Variants in RAB27B observed in about 807,000 individuals in gnomAD.
RAB27B encodes RAB27B, member RAS oncogene family.
Under a neutral mutation model 24.6 loss-of-function variants are expected in RAB27B, and 15 were observed. The ratio of observed to expected loss-of-function variants is 0.61; its 90% CI spans 0.41 to 0.94. The LOEUF is 0.94. RAB27B is among the 40% of genes least tolerant of loss of function. The pLI is 0.00. For synonymous variants in RAB27B, 105 were observed against 92.5 expected (o/e 1.14, Z -0.78); for missense variants, 261 against 266.8 (o/e 0.98, Z 0.15).
At chr18:54,863,978 G>A (rs534820372) in intron 1 of RAB27B, among the ~76,000 whole-genome samples, 1 of 152,290 alleles carries the variant, frequency 6.6e-6, no homozygotes, top group Non-Finnish European at 1.5e-5. Flanking sequence ...GAGCATTCAT[G>A]TACAAATCTT....
intron 4 of RAB27B, among the ~76,000 whole-genome samples, chr18:54,887,106 C>T (rs1334698582): frequency 6.8e-6 from 1 of 146,366 alleles, no homozygotes; most frequent in Non-Finnish European, 1.5e-5. Context: ...TCCGCCCACA[C>T]ATAGTGTTTT....
chr18:54,765,885 G>A (rs1468928194), intron 2 of RAB27B, among the ~76,000 whole-genome samples: 1 of 152,150 alleles, frequency 6.6e-6, no homozygotes, highest in African/African-American at 2.4e-5. Context: ...GAGATTAGTT[G>A]TTTCAGAAAC....
chr18:54,827,316 T>A (rs745685316), upstream of RAB27B, among the ~76,000 whole-genome samples: 32 of 152,218 alleles, frequency 2.1e-4, no homozygotes, highest in Non-Finnish European at 4.1e-4. Context: ...TCTACACACA[T>A]TACTGATATG....
intron 2 of RAB27B, among the ~76,000 whole-genome samples, chr18:54,878,837 C>A (rs2094148741): frequency 6.6e-6 from 1 of 152,102 alleles, no homozygotes; most frequent in African/African-American, 2.4e-5. Context: ...CCTGTGTCAA[C>A]TTATTGAGAA....
At chr18:54,838,264 A>G (rs143141579) in intron 1 of RAB27B, among the ~76,000 whole-genome samples, 20 of 151,758 alleles carry the variant, frequency 1.3e-4, no homozygotes, top group Middle Eastern at 3.4e-3. Flanking sequence ...TTCCAATAAT[A>G]TGCAAAATAT....
chr18:54,753,541 T>C (rs1473553839), intron 2 of RAB27B, among the ~76,000 whole-genome samples: 1 of 152,234 alleles, frequency 6.6e-6, no homozygotes, highest in Non-Finnish European at 1.5e-5. Context: ...GTGATTTTCC[T>C]TTTTAATGGC....
intron 2 of RAB27B, among the ~76,000 whole-genome samples, chr18:54,775,343 C>T (rs1289575902): frequency 6.6e-6 from 1 of 152,214 alleles, no homozygotes; most frequent in Non-Finnish European, 1.5e-5. Flanking sequence ...AACAATATTC[C>T]AGCCATTACT....
chr18:54,828,403 G>C (rs1464691224), upstream of RAB27B: 1 of 152,186 alleles, frequency 6.6e-6, no homozygotes, highest in Non-Finnish European at 1.5e-5. Flanking sequence ...TTGCAGACAC[G>C]CCTTCTTCTC....
intron 2 of RAB27B, among the ~76,000 whole-genome samples, chr18:54,794,557 TTGACAGAGATCACATAC>T (rs1443361064): frequency 6.6e-6 from 1 of 152,244 alleles, no homozygotes. Flanking sequence ...TAAAATGGTT[TTGACAGAGATCACATAC>T]TGATGTGTGT....
At chr18:54,727,600 C>A (rs538616117) in intron 2 of RAB27B, among the ~76,000 whole-genome samples, 5 of 152,106 alleles carry the variant, frequency 3.3e-5, no homozygotes, top group East Asian at 1.9e-4. Flanking sequence ...AGACAAAAAA[C>A]CAAATATTTG....
chr18:54,804,082 G>T (rs1909691992), intron 2 of RAB27B, among the ~76,000 whole-genome samples: 1 of 152,146 alleles, frequency 6.6e-6, no homozygotes, highest in African/African-American at 2.4e-5. Context: ...TGGCCTTGGA[G>T]TTTGTTAGAA....
At chr18:54,813,629 A>C (rs1910034962) in intron 2 of RAB27B, among the ~76,000 whole-genome samples, 1 of 152,324 alleles carries the variant, frequency 6.6e-6, no homozygotes, top group East Asian at 1.9e-4. Flanking sequence ...CCAGAAGCCA[A>C]GTAGATGCTG....
chr18:54,861,354 A>G lies in RAB27B; in HGVS notation c.-19-16213A>G, dbSNP rs184803929. ...TAGAAACTTCAATTTGCATATATAC[A>G]TTTAATATCCTTTCATATATCACAT... On this transcript the variant is annotated intron_variant, in intron 1 of 5. Coordinates refer to ENST00000262094, the MANE Select transcript of RAB27B (RefSeq NM_004163.4). Among the ~76,000 whole-genome samples, 7 of 152,334 alleles carry G rather than the reference A, an allele frequency of 4.6e-5. No homozygotes were observed. In the East Asian group the frequency reaches 1.2e-3, roughly 25 times the overall value.
At chr18:54,886,270 T>G (rs1913132056) in intron 4 of RAB27B, among the ~76,000 whole-genome samples, 1 of 152,176 alleles carries the variant, frequency 6.6e-6, no homozygotes, top group Non-Finnish European at 1.5e-5. Context: ...TTTGGTTTAC[T>G]TGTGTTTTTG....
intron 2 of RAB27B, among the ~76,000 whole-genome samples, chr18:54,733,651 C>CA (rs752845601): frequency 8.5e-5 from 2 of 23,408 alleles, no homozygotes; most frequent in South Asian, 1.2e-3. Context: ...TGTTCTAGAG[C>CA]CCCCCCCCCC....
intron 2 of RAB27B, among the ~76,000 whole-genome samples, chr18:54,752,972 G>A (rs1458250012): frequency 6.6e-6 from 1 of 152,152 alleles, no homozygotes; most frequent in Non-Finnish European, 1.5e-5. Flanking sequence ...AGGAAAGTCA[G>A]GAAAGACACC....
chr18:54,738,949 T>A (rs572676493), intron 2 of RAB27B, among the ~76,000 whole-genome samples: 2 of 152,312 alleles, frequency 1.3e-5, no homozygotes, highest in South Asian at 4.1e-4. Context: ...TCCCTGATGC[T>A]TCTTTGCAGT....
chr18:54,794,362 A>G (rs143807327), intron 2 of RAB27B, among the ~76,000 whole-genome samples: 3 of 152,328 alleles, frequency 2.0e-5, no homozygotes, highest in Middle Eastern at 3.4e-3. Flanking sequence ...ACATTTCAGT[A>G]AGATTGCATT....
chr18:54,762,620 A>G (rs561350219), intron 2 of RAB27B, among the ~76,000 whole-genome samples: 2 of 152,240 alleles, frequency 1.3e-5, no homozygotes, highest in Admixed American at 6.5e-5. Context: ...TCTTTCCTTC[A>G]GATGTGTGCT....
Sources: allele counts gnomAD v4.1 joint callset (sites outside exome capture counted in the v4.1 genomes callset), GRCh38; gene constraint gnomAD v4.1.1; transcripts MANE v1.5; gene names NCBI Gene and HGNC (gene_info 2026-07-23, HGNC 2026-07-21).